NOTCH2: variants seen among roughly 807,000 people sequenced by gnomAD.
The protein encoded by NOTCH2 is neurogenic locus notch homolog protein 2.
Under a neutral mutation model 235.8 loss-of-function variants are expected in NOTCH2, and 29 were observed. That is an observed-to-expected ratio of 0.12 (90% CI 0.09 to 0.17). The LOEUF (loss-of-function observed/expected upper bound fraction) is 0.17. Among genes scored for constraint, NOTCH2 ranks in the 10% least tolerant of loss-of-function variants. The probability of loss-of-function intolerance (pLI) is 1.00; values close to 1 mark genes in which losing one functional copy is unlikely to be tolerated. For synonymous variants in NOTCH2, 1,086 were observed against 1,141.5 expected (o/e 0.95, Z 0.98); for missense variants, 2,285 against 3,150.2 (o/e 0.73, Z 6.57).
intron 2 of NOTCH2, among the ~76,000 whole-genome samples, chr1:120,027,854 A>G (rs1316540706): frequency 2.7e-5 from 4 of 146,168 alleles, no homozygotes; most frequent in Non-Finnish European, 5.9e-5. Context: ...TACATGCCAC[A>G]TTTTCTTTAT....
intron 8 of NOTCH2, among the ~76,000 whole-genome samples, chr1:119,967,151 T>G (rs587731973): frequency 6.6e-6 from 1 of 152,304 alleles, no homozygotes; most frequent in Non-Finnish European, 1.5e-5. Context: ...TTTAAAGGAT[T>G]CTTACAGTAA....
intron 1 of NOTCH2, among the ~76,000 whole-genome samples, chr1:120,060,467 A>G (rs1206960464): frequency 1.3e-5 from 2 of 149,288 alleles, no homozygotes; most frequent in African/African-American, 4.9e-5. Flanking sequence ...ATATATATAT[A>G]TATAAAAATA....
At chr1:120,040,749 C>T (rs1654510643) in intron 1 of NOTCH2, among the ~76,000 whole-genome samples, 1 of 148,412 alleles carries the variant, frequency 6.7e-6, no homozygotes, top group African/African-American at 2.5e-5. Context: ...AAAATATAGC[C>T]CTAAACGGCC....
chr1:120,017,895 G>A (rs1338101240), intron 2 of NOTCH2, among the ~76,000 whole-genome samples: 1 of 151,604 alleles, frequency 6.6e-6, no homozygotes, highest in African/African-American at 2.4e-5. Context: ...AACCACCAGG[G>A]ACCTGGAGCC....
At position 119,922,455 on chromosome 1, in the gene NOTCH2, C is replaced by T. The variant is rs377155425; in HGVS notation, c.5003-9G>A. The T allele has an allele frequency of 1.9e-6, 3 of 1,608,846 alleles. No individual in the cohort carries two copies. Among genetic ancestry groups the T allele is most frequent in the Non-Finnish European group, 2.5e-6 (3 of 1,177,126 alleles). ...TGGAGTCAGGGATTCACCTGAAAGT[C>T]CACAGAGACAGGGAAAGTGCTGAAT... On this transcript the variant is annotated splice_polypyrimidine_tract_variant and intron_variant, in intron 27 of 33. Transcript: ENST00000256646.
chr1:119,983,200 CTT>C (rs879984497), intron 5 of NOTCH2, among the ~76,000 whole-genome samples: 13 of 143,570 alleles, frequency 9.1e-5, no homozygotes, highest in Admixed American at 1.4e-4. Context: ...ATATGAAGTT[CTT>C]TTTTTTTTTT....
chr1:119,942,686 G>GT (rs1553196603), intron 17 of NOTCH2, among the ~76,000 whole-genome samples: 3 of 152,078 alleles, frequency 2.0e-5, no homozygotes, highest in Admixed American at 6.6e-5. Context: ...TAAACTCATT[G>GT]TAAATATTGT....
intron 1 of NOTCH2, among the ~76,000 whole-genome samples, chr1:120,067,019 G>A (rs1479339150): frequency 2.0e-5 from 3 of 150,372 alleles, no homozygotes; most frequent in East Asian, 1.9e-4. Flanking sequence ...GGATGGTCCT[G>A]GATAGCTGTT....
rs764772186 is a variant in NOTCH2 at position 119,922,432 on chromosome 1, G to C, written c.5017C>G (p.Pro1673Ala). The C allele has an allele frequency of 1.2e-6, 2 of 1,612,296 alleles. No homozygotes were observed. The highest frequency in any genetic ancestry group is 4.5e-5 in the East Asian group (2 of 44,868). Residue 1673 changes from proline to alanine, a missense_variant, in exon 28 of 34, where the codon CCA becomes GCA. Pro to Ala is a conservative substitution (Grantham distance 27, BLOSUM62 -1). Transcript: ENST00000256646. ...LVSVVSESLT[P>A]ERTQLLYLLA... ...AGATAGAGGAGCTGAGTGCGTTCTG[G>C]AGTCAGGGATTCACCTGAAAGTCCA...
chr1:119,927,131 C>T (rs766210925), intron 23 of NOTCH2, among the ~76,000 whole-genome samples: 1 of 152,124 alleles, frequency 6.6e-6, no homozygotes, highest in Non-Finnish European at 1.5e-5. Flanking sequence ...TAAAACACAG[C>T]TTAATTTTCC....
In NOTCH2 at chr1:119,959,495, A is replaced by G. The variant is rs142022032; in HGVS notation, c.1923T>C (p.Asn641=). The G allele has an allele frequency of 9.6e-6, 15 of 1,569,550 alleles. No homozygotes were observed. In the African/African-American group the frequency reaches 1.9e-4, roughly 20 times the overall value. The stretch of plus-strand genomic sequence containing the variant: ...CACAGTCATCAAAATTAATTTCACA[A>G]TTAACCCCTGGAAGAGAAAACCCAA... ...CNCQPGTSGV[N]CEINFDDCAS... The change falls in exon 12 of 34, where the codon AAT becomes AAC. Residue 641 remains asparagine, a synonymous_variant. Transcript: ENST00000256646.
At chr1:119,931,685 T>G (rs1649665998) in intron 22 of NOTCH2, among the ~76,000 whole-genome samples, 1 of 151,968 alleles carries the variant, frequency 6.6e-6, no homozygotes, top group East Asian at 1.9e-4. Context: ...AAACAAAATA[T>G]TCAATAAATT....
chr1:119,932,201 T>C (rs1228836923), intron 22 of NOTCH2, among the ~76,000 whole-genome samples: 4 of 152,168 alleles, frequency 2.6e-5, no homozygotes, highest in African/African-American at 7.2e-5. Context: ...AATATACTTA[T>C]ATGCCTGCAA....
At chr1:120,007,840 T>TG (rs1653042500) in intron 2 of NOTCH2, among the ~76,000 whole-genome samples, 1 of 145,236 alleles carries the variant, frequency 6.9e-6, no homozygotes, top group African/African-American at 2.6e-5. Flanking sequence ...AAAGTGCCAA[T>TG]GTAGCATAGC....
At chr1:120,004,127 A>G (rs58945078) in intron 3 of NOTCH2, among the ~76,000 whole-genome samples, 7,715 of 151,840 alleles carry the variant, frequency 0.051, 527 homozygotes, top group African/African-American at 0.17. Context: ...TGGGGAGAGA[A>G]TAAAGGCAAG....
rs1649804652 is a variant in NOTCH2 at position 119,935,212 on chromosome 1, T to C, written c.3655+260A>G. ...TAATTTTTTAATGTTATGCTAATGT[T>C]GTATCCCTTCCATATTCTGTGTTTC... On this transcript the variant is annotated intron_variant, in intron 22 of 33. Transcript: ENST00000256646. 15 of 1,362,602 alleles carry C rather than the reference T, an allele frequency of 1.1e-5. No individual in the cohort carries two copies. The South Asian group carries it at 2.2e-4, about 20-fold the overall frequency. The allele number at this position is 1,362,602 out of a possible 1,614,324, so 84.4% of individuals were successfully genotyped here.
intron 9 of NOTCH2, among the ~76,000 whole-genome samples, chr1:119,965,805 AG>A (rs1273035384): frequency 1.3e-5 from 2 of 152,256 alleles, no homozygotes; most frequent in Non-Finnish European, 2.9e-5. Flanking sequence ...TGAAGGATGT[AG>A]GAAGTGAAAT....
At chr1:119,935,262 C>A (rs1649808068) in intron 22 of NOTCH2, 9 of 1,471,576 alleles carry the variant, frequency 6.1e-6, no homozygotes, top group Non-Finnish European at 7.2e-6. Context: ...TGCCAAACAA[C>A]CAGATAAAAC....
chr1:119,980,399 T>C (rs1376392061), intron 5 of NOTCH2, among the ~76,000 whole-genome samples: 2 of 152,170 alleles, frequency 1.3e-5, no homozygotes, highest in African/African-American at 2.4e-5. Flanking sequence ...CCAAGCTCTA[T>C]GGTCAATGAG....
Sources: gnomAD v4.1 joint callset for allele counts (sites outside exome capture counted in the v4.1 genomes callset) on GRCh38, gnomAD v4.1.1 for gene constraint, MANE v1.5 for transcripts, NCBI Gene and HGNC (gene_info 2026-07-23, HGNC 2026-07-21) for gene names.